The following CLASP1 variants were observed in gnomAD, a reference collection of about 807,000 sequenced individuals.
CLASP1 encodes cytoplasmic linker associated protein 1.
A neutral mutation model predicts 192.3 loss-of-function variants in CLASP1; 38 were observed. The observed-to-expected ratio is 0.20, with a 90% CI of 0.15 to 0.26. The LOEUF is 0.26. Ranked by LOEUF, CLASP1 falls within the 10% of genes least tolerant of loss-of-function variation. The pLI, the probability that CLASP1 is intolerant of heterozygous loss-of-function variation, is 1.00. For synonymous variants in CLASP1, 691 were observed against 712.8 expected (o/e 0.97, Z 0.49); for missense variants, 1,433 against 1,932.5 (o/e 0.74, Z 4.85).
intron 8 of CLASP1, among the ~76,000 whole-genome samples, chr2:121,491,299 AATTT>A (rs2093292979): frequency 1.3e-5 from 2 of 152,220 alleles, no homozygotes; most frequent in Admixed American, 1.3e-4. Flanking sequence ...TTCAGCTACA[AATTT>A]ATTATAGAAT....
intron 30 of CLASP1, among the ~76,000 whole-genome samples, chr2:121,394,313 TGA>T (rs1163043961): frequency 6.6e-6 from 1 of 152,214 alleles, no homozygotes; most frequent in Non-Finnish European, 1.5e-5. Context: ...AGATTCAAAA[TGA>T]GAGAGATTCT....
chr2:121,477,871 C>T (rs991306290), intron 8 of CLASP1, among the ~76,000 whole-genome samples: 1 of 152,186 alleles, frequency 6.6e-6, no homozygotes, highest in South Asian at 2.1e-4. Context: ...CACATTAAAT[C>T]CTCCTGACAA....
intron 23 of CLASP1, among the ~76,000 whole-genome samples, chr2:121,417,454 G>GA (rs386391068): frequency 0.013 from 1,812 of 141,130 alleles, 18 homozygotes; most frequent in South Asian, 0.028. Flanking sequence ...AGTTCATTCA[G>GA]AAAAAAAAAA....
At chr2:121,405,834 C>T (rs984003958) in intron 25 of CLASP1, among the ~76,000 whole-genome samples, 3 of 152,158 alleles carry the variant, frequency 2.0e-5, no homozygotes, top group African/African-American at 7.2e-5. Flanking sequence ...CTTCCTGTAT[C>T]GTCTTTGTGA....
intron 2 of CLASP1, among the ~76,000 whole-genome samples, chr2:121,584,242 C>T (rs2061493082): frequency 6.6e-6 from 1 of 152,184 alleles, no homozygotes; most frequent in Non-Finnish European, 1.5e-5. Context: ...AGCCACTGCA[C>T]CTGGCCAAAT....
At chr2:121,359,102 T>G (rs1226145304) in intron 37 of CLASP1, among the ~76,000 whole-genome samples, 1 of 152,260 alleles carries the variant, frequency 6.6e-6, no homozygotes, top group East Asian at 1.9e-4. Flanking sequence ...TCACACTGAC[T>G]GGCAGCAACA....
intron 7 of CLASP1, among the ~76,000 whole-genome samples, chr2:121,509,962 T>C (rs1178102573): frequency 6.6e-6 from 1 of 152,122 alleles, no homozygotes; most frequent in Admixed American, 6.5e-5. Context: ...CAAACAAATG[T>C]AGAAATCAAA....
intron 24 of CLASP1, chr2:121,407,967 G>T (rs983112603): frequency 1.7e-6 from 1 of 575,680 alleles, no homozygotes; most frequent in Non-Finnish European, 3.2e-6. Context: ...GACTTTACAG[G>T]AAGACAGACA....
intron 1 of CLASP1, among the ~76,000 whole-genome samples, chr2:121,648,849 G>C (rs938052203): frequency 6.6e-6 from 1 of 152,234 alleles, no homozygotes; most frequent in African/African-American, 2.4e-5. Context: ...CGCCGCTCGC[G>C]CAGCTTTTGT....
intron 2 of CLASP1, among the ~76,000 whole-genome samples, chr2:121,536,418 T>C (rs1210908191): frequency 6.8e-6 from 1 of 147,328 alleles, no homozygotes; most frequent in African/African-American, 2.6e-5. Context: ...AAAATAATAT[T>C]ACCATATGAT....
At chr2:121,452,716 G>A (rs989193936) in intron 14 of CLASP1, among the ~76,000 whole-genome samples, 7 of 152,038 alleles carry the variant, frequency 4.6e-5, no homozygotes, top group Admixed American at 1.3e-4. Context: ...ACTTGAACCC[G>A]GGAGGCAGAG....
At chr2:121,552,489 T>A (rs994041480) in intron 2 of CLASP1, among the ~76,000 whole-genome samples, 2 of 151,916 alleles carry the variant, frequency 1.3e-5, no homozygotes, top group Admixed American at 6.6e-5. Flanking sequence ...TTTAACAAAT[T>A]TACAAGAGAA....
At chr2:121,531,271 G>C (rs977812469) in intron 2 of CLASP1, among the ~76,000 whole-genome samples, 2 of 152,144 alleles carry the variant, frequency 1.3e-5, no homozygotes, top group Non-Finnish European at 2.9e-5. Flanking sequence ...AATAGGAGAC[G>C]AAGTTTCAGT....
At chr2:121,474,628 C>T (rs962014658) in intron 8 of CLASP1, among the ~76,000 whole-genome samples, 3 of 152,028 alleles carry the variant, frequency 2.0e-5, no homozygotes, top group Admixed American at 6.6e-5. Context: ...CGCAGCTACT[C>T]GGGAGGCTGA....
chr2:121,589,870 C>T (rs2062183020), intron 2 of CLASP1, among the ~76,000 whole-genome samples: 1 of 151,614 alleles, frequency 6.6e-6, no homozygotes, highest in Non-Finnish European at 1.5e-5. Context: ...GATTAAACAA[C>T]AACAAATAGA....
intron 19 of CLASP1, among the ~76,000 whole-genome samples, chr2:121,434,343 C>T (rs2081958496): frequency 6.6e-6 from 1 of 152,116 alleles, no homozygotes; most frequent in African/African-American, 2.4e-5. Context: ...TGATGCCTCA[C>T]TTCCCAGGTT....
chr2:121,410,873 T>C (rs764617067), exon 24 of CLASP1: 1 of 1,604,114 alleles, frequency 6.2e-7, no homozygotes, highest in East Asian at 2.2e-5. Context: ...TACCAAAGCA[T>C]CAGCAACAGC....
intron 27 of CLASP1, 84 bp from the exon 29 acceptor site, chr2:121,401,756 C>T (rs1241970343): frequency 3.6e-5 from 42 of 1,180,624 alleles, no homozygotes; most frequent in Non-Finnish European, 4.7e-5. Flanking sequence ...AATGCCCATA[C>T]GTGCTTTGCC....
intron 2 of CLASP1, among the ~76,000 whole-genome samples, chr2:121,556,876 A>G (rs2058614305): frequency 1.3e-5 from 2 of 152,162 alleles, no homozygotes; most frequent in Admixed American, 1.3e-4. Context: ...AAATAAAGAG[A>G]AACTAATACA....
Sources: allele counts gnomAD v4.1 joint callset (sites outside exome capture counted in the v4.1 genomes callset), GRCh38; gene constraint gnomAD v4.1.1; transcripts MANE v1.5; gene names NCBI Gene and HGNC (gene_info 2026-07-23, HGNC 2026-07-21).